PPARGC1A: variants seen among roughly 807,000 people sequenced by gnomAD.
PPARGC1A encodes PPARG coactivator 1 alpha.
PPARGC1A carries 25 observed loss-of-function variants against 88.7 expected under a neutral mutation model. The observed-to-expected ratio is 0.28, with a 90% confidence interval of 0.21 to 0.39. PPARGC1A has a LOEUF of 0.39. Ranked by LOEUF, PPARGC1A falls within the 10% of genes least tolerant of loss-of-function variation. PPARGC1A has a pLI of 1.00. For synonymous variants in PPARGC1A, 363 were observed against 355.6 expected (o/e 1.02, Z -0.24); for missense variants, 880 against 968.7 (o/e 0.91, Z 1.22).
At chr4:24,055,065 G>T in the PPARGC1A span, among the ~76,000 whole-genome samples, 1 of 152,206 alleles carries the variant, frequency 6.6e-6, no homozygotes, top group Non-Finnish European at 1.5e-5. Context: ...CATCACCCCG[G>T]ATATTGCAGC....
chr4:24,330,877 A>AAACTCC, the PPARGC1A span, among the ~76,000 whole-genome samples: 2 of 152,104 alleles, frequency 1.3e-5, no homozygotes, highest in African/African-American at 4.8e-5. Context: ...CCTCCAAGAC[A>AAACTCC]TAGTCTCTAC....
chr4:24,075,299 T>C, the PPARGC1A span, among the ~76,000 whole-genome samples: 1 of 152,170 alleles, frequency 6.6e-6, no homozygotes, highest in South Asian at 2.1e-4. Context: ...GGTGGTGGTG[T>C]CCACCAGAGT....
chr4:23,916,568 T>TA, the PPARGC1A span, among the ~76,000 whole-genome samples: 1,524 of 152,078 alleles, frequency 0.01, 25 homozygotes, highest in African/African-American at 0.035. Flanking sequence ...CCTGCTTTTT[T>TA]AAAAAAAACA....
At chr4:23,905,939 C>A (rs567997556), upstream of PPARGC1A, among the ~76,000 whole-genome samples, 3 of 152,248 alleles carry the variant, frequency 2.0e-5, no homozygotes, top group South Asian at 2.1e-4. Context: ...GGAACCACAG[C>A]TTCATGTTCA....
the PPARGC1A span, among the ~76,000 whole-genome samples, chr4:24,197,848 G>C: frequency 6.6e-6 from 1 of 152,140 alleles, no homozygotes; most frequent in Non-Finnish European, 1.5e-5. Flanking sequence ...TTTAGCTGTA[G>C]GGTTTGGTTT....
At chr4:23,922,305 A>T in the PPARGC1A span, among the ~76,000 whole-genome samples, 1 of 152,190 alleles carries the variant, frequency 6.6e-6, no homozygotes, top group African/African-American at 2.4e-5. Flanking sequence ...ATCCCATCAC[A>T]TCAAGGAAGG....
At chr4:24,464,810 C>G in the PPARGC1A span, among the ~76,000 whole-genome samples, 13 of 152,176 alleles carry the variant, frequency 8.5e-5, no homozygotes, top group Non-Finnish European at 1.6e-4. Context: ...TCAACCATCT[C>G]CTCCCCTGCC....
chr4:23,993,308 C>A, the PPARGC1A span, among the ~76,000 whole-genome samples: 25,557 of 151,924 alleles, frequency 0.17, 2,225 homozygotes, highest in South Asian at 0.19. Context: ...AATGACGGAA[C>A]AGAAAAGTAG....
chr4:23,927,322 G>T, the PPARGC1A span, among the ~76,000 whole-genome samples: 8 of 152,116 alleles, frequency 5.3e-5, no homozygotes, highest in Non-Finnish European at 1.5e-5. Context: ...ATTATTATAT[G>T]TCCAGGACTG....
At chr4:23,868,013 G>T (rs1195423918) in intron 2 of PPARGC1A, among the ~76,000 whole-genome samples, 1 of 152,198 alleles carries the variant, frequency 6.6e-6, no homozygotes, top group South Asian at 2.1e-4. Context: ...CCATGCATTT[G>T]CATGAGCTTC....
chr4:24,309,092 A>C, the PPARGC1A span, among the ~76,000 whole-genome samples: 3 of 152,216 alleles, frequency 2.0e-5, no homozygotes, highest in Admixed American at 2.0e-4. Flanking sequence ...AACAGCAGTC[A>C]AGACAGAAAA....
chr4:24,269,078 C>T, the PPARGC1A span, among the ~76,000 whole-genome samples: 1 of 152,028 alleles, frequency 6.6e-6, no homozygotes, highest in African/African-American at 2.4e-5. Context: ...AGTTTTATTG[C>T]TTTTAAAATC....
chr4:24,458,233 C>T, the PPARGC1A span, among the ~76,000 whole-genome samples: 1,274 of 152,302 alleles, frequency 8.4e-3, 23 homozygotes, highest in African/African-American at 0.029. Flanking sequence ...GGCATAGTGG[C>T]TCACATCTGT....
chr4:24,190,647 G>C, the PPARGC1A span, among the ~76,000 whole-genome samples: 25 of 152,268 alleles, frequency 1.6e-4, no homozygotes, highest in Admixed American at 4.6e-4. Flanking sequence ...TTTACAAAAA[G>C]GGAAACTTAG....
chr4:23,976,654 C>T, the PPARGC1A span, among the ~76,000 whole-genome samples: 1 of 152,070 alleles, frequency 6.6e-6, no homozygotes, highest in Non-Finnish European at 1.5e-5. Flanking sequence ...AAGTCCTAAT[C>T]CAACAGTATC....
chr4:24,220,161 A>T, the PPARGC1A span, among the ~76,000 whole-genome samples: 1 of 152,236 alleles, frequency 6.6e-6, no homozygotes, highest in Non-Finnish European at 1.5e-5. Flanking sequence ...TGCAAATCAA[A>T]ACCTCAATGA....
the PPARGC1A span, among the ~76,000 whole-genome samples, chr4:24,043,695 T>C: frequency 6.6e-6 from 1 of 152,196 alleles, no homozygotes; most frequent in African/African-American, 2.4e-5. Context: ...ATTAGATTCA[T>C]TTTACCTAGT....
At chr4:23,922,833 A>G in the PPARGC1A span, among the ~76,000 whole-genome samples, 8 of 152,138 alleles carry the variant, frequency 5.3e-5, no homozygotes, top group African/African-American at 1.7e-4. Context: ...TCCACACGCA[A>G]TTTACTAAAG....
the PPARGC1A span, among the ~76,000 whole-genome samples, chr4:24,191,718 G>A: frequency 1.3e-5 from 2 of 152,216 alleles, no homozygotes; most frequent in South Asian, 2.1e-4. Flanking sequence ...CGCAGAGGAG[G>A]CCTGTGTGAT....
Sources: gnomAD v4.1 joint callset for allele counts (sites outside exome capture counted in the v4.1 genomes callset) on GRCh38, gnomAD v4.1.1 for gene constraint, MANE v1.5 for transcripts, NCBI Gene and HGNC (gene_info 2026-07-23, HGNC 2026-07-21) for gene names.